Variants in ZFP82 observed in about 807,000 individuals in gnomAD.
ZFP82 encodes ZFP82 zinc finger protein.
ZFP82 carries 30 observed loss-of-function variants against 54.0 expected under a neutral mutation model. The ratio of observed to expected loss-of-function variants is 0.56; its 90% confidence interval spans 0.42 to 0.75. The LOEUF is 0.75. Ranked by LOEUF, ZFP82 falls within the 30% of genes least tolerant of loss-of-function variation. The pLI is 0.00. For synonymous variants in ZFP82, 194 were observed against 209.5 expected, an observed-to-expected ratio of 0.93 and a Z score of 0.64; for missense variants, 500 against 636.8, an observed-to-expected ratio of 0.79 and a Z score of 2.31.
rs1228786569 is a variant in ZFP82, at chr19:36,410,447, G to GTGTGTGTGTGTGTGTGTGTGTT, written c.-78-581_-78-580insAACACACACACACACACACACA. ...GTTATATATGTATGTGTGTGTGTGTGTGTATATGTGTGTGTATATATATAT... is the reference window on the plus strand; with the variant it reads ...GTTATATATGTATGTGTGTGTGTGTGTGTGTGTGTGTGTGTGTGTGTTTGTATATGTGTGTGTATATATATAT... On this transcript the variant is annotated intron_variant, in intron 1 of 4. Coordinates refer to ENST00000392161, the MANE Select transcript of ZFP82 (RefSeq NM_133466.4). Among the ~76,000 whole-genome samples the GTGTGTGTGTGTGTGTGTGTGTT allele has an allele frequency of 4.4e-4, 66 of 151,314 alleles. 1 individual carries two copies. In the East Asian group the frequency reaches 9.1e-3, roughly 21 times the overall value.
intron 4 of ZFP82, chr19:36,395,983 C>G (rs1050055990): frequency 6.6e-6 from 1 of 152,158 alleles, no homozygotes; most frequent in Non-Finnish European, 1.5e-5. Flanking sequence ...GCAGCCTCTG[C>G]CTCCTGGGTT....
chr19:36,388,713 T>C lies in ZFP82; in HGVS notation c.*4028A>G, dbSNP rs932922416. ...ATTAATGTTCTTTTCAAAGAGAATATCCTTAGTCTGTTATTTTATTAACTA... is the reference window on the plus strand; with the variant it reads ...ATTAATGTTCTTTTCAAAGAGAATACCCTTAGTCTGTTATTTTATTAACTA... On this transcript the variant is annotated 3_prime_UTR_variant, in exon 5 of 5. Coordinates refer to ENST00000392161, the MANE Select transcript of ZFP82 (RefSeq NM_133466.4). Among the ~76,000 whole-genome samples, 1 of 152,182 alleles carries C rather than the reference T, an allele frequency of 6.6e-6. No homozygotes were observed. The highest frequency in any genetic ancestry group is 2.4e-5 in the African/African-American group (1 of 41,448).
At chr19:36,384,035 C>G (rs1051672339), downstream of ZFP82, 8 of 152,088 alleles carry the variant, frequency 5.3e-5, no homozygotes, top group Non-Finnish European at 1.2e-4. Flanking sequence ...AGGGATTGTG[C>G]ACTGGGAGCA....
At chr19:36,412,009 T>C (rs992396321) in intron 1 of ZFP82, among the ~76,000 whole-genome samples, 1 of 151,914 alleles carries the variant, frequency 6.6e-6, no homozygotes, top group African/African-American at 2.4e-5. Context: ...GAGTGAGGAG[T>C]GCAGTAACAA....
rs1183032287 is a variant in ZFP82 at position 36,417,065 on chromosome 19, C to A, written c.-79+1427G>T. On this transcript the variant is annotated intron_variant, in intron 1 of 4. Coordinates refer to ENST00000392161, the MANE Select transcript of ZFP82 (RefSeq NM_133466.4). ...TCCAACCTGGGTGACAGAGCAAGAC[C>A]CTGTCTCAAAAAAAAAAAAAAAAAA... 7.6e-5 allele frequency among the ~76,000 whole-genome samples: 8 copies of A among 104,908 alleles called. No homozygotes were observed. In the East Asian group the frequency reaches 9.9e-4, roughly 13 times the overall value. The allele number at this position is 104,908 out of a possible 152,430, so 68.8% of individuals were successfully genotyped here.
chr19:36,401,113 T>C (rs1487262937), intron 4 of ZFP82, among the ~76,000 whole-genome samples: 3 of 151,684 alleles, frequency 2.0e-5, no homozygotes, highest in Non-Finnish European at 4.4e-5. Context: ...ATCTCTTTTG[T>C]TGTCCCTCTT....
chr19:36,383,531 G>C (rs948648669), exon 2 of ZFP82: 1 of 151,844 alleles, frequency 6.6e-6, no homozygotes, highest in African/African-American at 2.4e-5. Context: ...CCAGATGCCT[G>C]GTATCACCAT....
rs941576874 is a variant in ZFP82, at chr19:36,390,237, C to T, written c.*2504G>A. The T allele has an allele frequency of 2.0e-5, 3 of 151,866 alleles. No homozygotes were observed. The highest frequency in any genetic ancestry group is 7.3e-5 in the African/African-American group (3 of 41,340). 9.4% of individuals were successfully genotyped at this position (151,866 alleles called of 1,614,324 possible). On this transcript the variant is annotated 3_prime_UTR_variant, in exon 5 of 5. Coordinates refer to ENST00000392161, the MANE Select transcript of ZFP82 (RefSeq NM_133466.4). The stretch of plus-strand genomic sequence containing the variant: ...ATGATTGATTAAAACAAATCCCAAG[C>T]GCATTTTAACACAAGGATCCTAAAA...
intron 4 of ZFP82, chr19:36,394,378 C>G (rs1449591391): frequency 2.5e-6 from 1 of 396,724 alleles, no homozygotes; most frequent in Admixed American, 4.4e-5. Context: ...TAGCTTGTTA[C>G]TAACACTGAG....
At chr19:36,408,060 T>C (rs758168293) in intron 2 of ZFP82, 47 bp from the exon 3 acceptor site, 1 of 1,598,054 alleles carries the variant, frequency 6.3e-7, no homozygotes, top group Non-Finnish European at 8.6e-7. Context: ...AGAAAATGTA[T>C]TTTAAGGTAG....
At chr19:36,406,978 A>T (rs2032492475) in intron 3 of ZFP82, among the ~76,000 whole-genome samples, 1 of 151,776 alleles carries the variant, frequency 6.6e-6, no homozygotes. Context: ...TCTTGTAGCT[A>T]TTTTGGAATA....
chr19:36,414,979 G>A (rs2032644929), intron 1 of ZFP82, among the ~76,000 whole-genome samples: 3 of 151,834 alleles, frequency 2.0e-5, no homozygotes, highest in East Asian at 1.9e-4. Flanking sequence ...GCACCACCAC[G>A]CCTGGCTAAT....
rs1371230364 is a variant in ZFP82 at position 36,390,651 on chromosome 19, C to A, written c.*2090G>T. 1 of 152,146 alleles carries A rather than the reference C, an allele frequency of 6.6e-6. No individual in the cohort carries two copies. Among genetic ancestry groups the A allele is most frequent in the Non-Finnish European group, 1.5e-5 (1 of 68,022 alleles). 9.4% of individuals were successfully genotyped at this position (152,146 alleles called of 1,614,324 possible). A position where few individuals can be genotyped will look rare whatever the true frequency, so the allele number is the denominator to read the frequency against. On this transcript the variant is annotated 3_prime_UTR_variant, in exon 5 of 5. Transcript: ENST00000392161. Reference sequence around the variant, plus strand: ...GCTCCATGCATTATAAGCTTCCTATCCATTTTTCACCTAATGGTCTTCGCA... The same window carrying A: ...GCTCCATGCATTATAAGCTTCCTATACATTTTTCACCTAATGGTCTTCGCA...
At chr19:36,387,618 ATTC>A (rs1427739028), downstream of ZFP82, among the ~76,000 whole-genome samples, 1 of 152,056 alleles carries the variant, frequency 6.6e-6, no homozygotes, top group African/African-American at 2.4e-5. Context: ...AGTCTGTGGT[ATTC>A]TTTCCTTTTT....
chr19:36,403,223 C>T (rs2032419898), intron 4 of ZFP82, among the ~76,000 whole-genome samples: 1 of 149,830 alleles, frequency 6.7e-6, no homozygotes, highest in African/African-American at 2.5e-5. Context: ...CTCAGGAGAC[C>T]GAGTCAGGAG....
chr19:36,418,022 C>T lies in ZFP82; in HGVS notation c.-79+470G>A, dbSNP rs76400197. The stretch of plus-strand genomic sequence containing the variant: ...CAATCTCCTCCTAGGCTCAAGCCAT[C>T]CTCCCGCCTCAGCCTCTCGAGTGGC... On this transcript the variant is annotated intron_variant, in intron 1 of 4. Coordinates refer to ENST00000392161, the MANE Select transcript of ZFP82 (RefSeq NM_133466.4). 4.9e-3 allele frequency among the ~76,000 whole-genome samples: 740 copies of T among 152,260 alleles called. 8 individuals are homozygous for T. Among genetic ancestry groups the T allele is most frequent in the African/African-American group, 0.017 (709 of 41,560 alleles).
intron 1 of ZFP82, among the ~76,000 whole-genome samples, chr19:36,412,565 T>C (rs2032599132): frequency 6.6e-6 from 1 of 152,340 alleles, no homozygotes; most frequent in African/African-American, 2.4e-5. Context: ...ACATCTTCAA[T>C]TAATGCCTTG....
Position 36,393,544 on chromosome 19 carries a change from G to C in ZFP82, c.796C>G (p.Arg266Gly). 6.2e-7 allele frequency: 1 copy of C among 1,613,806 alleles called. No individual in the cohort carries two copies. The change falls in exon 5 of 5, where the codon CGA becomes GGA. Residue 266 changes from arginine to glycine, a missense_variant. Arg to Gly is a moderately radical substitution (Grantham distance 125). Transcript: ENST00000392161. ...CKECGKAFRV[R>G]GQLTLHQRIH... ...CTCTGATGCAGAGTAAGTTGTCCTC[G>C]TACCCTAAAAGCCTTCCCACATTCT...
At position 36,390,331 on chromosome 19, in the gene ZFP82, C is replaced by CCTTT. The variant is rs2032174679; in HGVS notation, c.*2409_*2410insAAAG. ...TTAAAGTGTAGGATTCCATTTTTGT[C>CCTTT]TTTTTTTTTTTTTTTTTTGACATGT... is the stretch of plus-strand genomic sequence containing the variant. On this transcript the variant is annotated 3_prime_UTR_variant, in exon 5 of 5. Transcript: ENST00000392161. 2 of 130,688 alleles carry CCTTT rather than the reference C, an allele frequency of 1.5e-5. No individual in the cohort carries two copies. Among genetic ancestry groups the CCTTT allele is most frequent in the Non-Finnish European group, 1.6e-5 (1 of 63,186 alleles). 8.1% of individuals were successfully genotyped at this position (130,688 alleles called of 1,614,324 possible). A position where few individuals can be genotyped will look rare whatever the true frequency, so the allele number is the denominator to read the frequency against.
Sources: allele counts gnomAD v4.1 joint callset (sites outside exome capture counted in the v4.1 genomes callset), GRCh38; gene constraint gnomAD v4.1.1; transcripts MANE v1.5; gene names NCBI Gene and HGNC (gene_info 2026-07-23, HGNC 2026-07-21).